Variants in CHLSN observed in about 807,000 individuals in gnomAD.
CHLSN encodes the protein cholesin, also known as protein cholesin.
At chr7:984,592 G>A in the CHLSN span, 33 of 1,554,718 alleles carry the variant, frequency 2.1e-5, no homozygotes, top group African/African-American at 2.3e-4. Flanking sequence ...TGTGGCCGGC[G>A]CTACGGGGCC....
At chr7:1,014,473 G>A in the CHLSN span, among the ~76,000 whole-genome samples, 1 of 152,218 alleles carries the variant, frequency 6.6e-6, no homozygotes, top group Non-Finnish European at 1.5e-5. Flanking sequence ...TGTGTGAGCC[G>A]TGCTCCCCAG....
At chr7:1,068,749 T>C in the CHLSN span, among the ~76,000 whole-genome samples, 1 of 152,300 alleles carries the variant, frequency 6.6e-6, no homozygotes, top group East Asian at 1.9e-4. Flanking sequence ...TTCTTATCAG[T>C]CTGCCCAGCT....
chr7:1,023,164 C>T, the CHLSN span: 2 of 360,234 alleles, frequency 5.6e-6, no homozygotes, highest in Non-Finnish European at 5.6e-6. This position sits in a 1 kb window ranked among gnomAD's most constrained non-coding sequence, Gnocchi z 5.0. Flanking sequence ...GTCTGATGCA[C>T]AGCCACAGGG....
chr7:1,056,025 C>G, the CHLSN span: 1 of 152,976 alleles, frequency 6.5e-6, no homozygotes, highest in African/African-American at 2.4e-5. Context: ...TCCTCTGGAC[C>G]CTGGCGCAGC....
At chr7:1,009,930 C>T in the CHLSN span, 515 of 1,521,304 alleles carry the variant, frequency 3.4e-4, 3 homozygotes, top group East Asian at 0.011. Context: ...GACAGAACCG[C>T]GTGGGGCAGG....
the CHLSN span, among the ~76,000 whole-genome samples, chr7:1,071,571 AG>A: frequency 6.6e-6 from 1 of 152,034 alleles, no homozygotes; most frequent in Admixed American, 6.6e-5. Flanking sequence ...GAAAGGGGAG[AG>A]GGAGGAGAAG....
chr7:1,021,405 C>A, the CHLSN span: 11 of 985,438 alleles, frequency 1.1e-5, no homozygotes, highest in Non-Finnish European at 1.3e-5. Flanking sequence ...GAACCAGAGT[C>A]GGAAGCTGAA....
the CHLSN span, among the ~76,000 whole-genome samples, chr7:1,135,849 A>G: frequency 8.9e-4 from 121 of 136,364 alleles, no homozygotes; most frequent in African/African-American, 3.4e-3. Context: ...TTACATAAAT[A>G]TGTATTTATA....
the CHLSN span, chr7:1,059,233 A>G: frequency 6.0e-6 from 1 of 167,072 alleles, no homozygotes; most frequent in Non-Finnish European, 1.5e-5. Context: ...GCACAAAACT[A>G]AAGAATATAA....
the CHLSN span, chr7:1,043,362 T>A: frequency 3.9e-5 from 6 of 152,398 alleles, no homozygotes; most frequent in African/African-American, 1.4e-4. Flanking sequence ...CAGAGGGCCT[T>A]CTTTTTAGTA....
the CHLSN span, among the ~76,000 whole-genome samples, chr7:1,006,739 C>T: frequency 2.6e-5 from 4 of 151,554 alleles, no homozygotes; most frequent in South Asian, 6.3e-4. Context: ...AGACAAAGAG[C>T]GCACGATGGC....
chr7:1,014,923 A>G, the CHLSN span, among the ~76,000 whole-genome samples: 2 of 152,330 alleles, frequency 1.3e-5, no homozygotes, highest in East Asian at 1.9e-4. Flanking sequence ...CCTGCCCTGC[A>G]GGGACGGTGC....
the CHLSN span, chr7:1,056,510 G>C: frequency 6.6e-6 from 1 of 152,428 alleles, no homozygotes; most frequent in Non-Finnish European, 1.5e-5. Flanking sequence ...CCTAGCCACA[G>C]GGCCGTGTCT....
the CHLSN span, among the ~76,000 whole-genome samples, chr7:1,136,455 C>T: frequency 1.0e-5 from 1 of 99,870 alleles, no homozygotes; most frequent in Non-Finnish European, 1.8e-5. Flanking sequence ...TATATATAAA[C>T]ATATATAAAC....
the CHLSN span, chr7:1,093,617 C>T: frequency 2.8e-5 from 13 of 471,072 alleles, no homozygotes; most frequent in Admixed American, 1.6e-4. Flanking sequence ...TGGGACCGTG[C>T]GAGCTGCCGT....
At chr7:984,348 G>C in the CHLSN span, 1 of 1,474,702 alleles carries the variant, frequency 6.8e-7, no homozygotes, top group Non-Finnish European at 8.9e-7. Flanking sequence ...GGCCCGGCCT[G>C]AGGGGACCTA....
the CHLSN span, among the ~76,000 whole-genome samples, chr7:1,052,275 C>T: frequency 2.6e-5 from 4 of 152,372 alleles, no homozygotes; most frequent in African/African-American, 7.2e-5. The surrounding 1 kb of genome is among the most constrained non-coding windows in gnomAD (Gnocchi z 4.2). Flanking sequence ...GCAAGGCTGA[C>T]CTGCAGCGTC....
the CHLSN span, among the ~76,000 whole-genome samples, chr7:1,101,829 G>A: frequency 1.3e-5 from 2 of 152,260 alleles, no homozygotes; most frequent in African/African-American, 4.8e-5. Context: ...AAGGAGGTGC[G>A]CGTCGCGGAC....
chr7:1,013,878 TTC>T, the CHLSN span, among the ~76,000 whole-genome samples: 1 of 152,262 alleles, frequency 6.6e-6, no homozygotes, highest in South Asian at 2.1e-4. Flanking sequence ...CAGCCACACA[TTC>T]TGTCTCCTGC....
Sources: gnomAD v4.1 joint callset for allele counts (sites outside exome capture counted in the v4.1 genomes callset) on GRCh38, gnomAD v4.1.1 for gene constraint, Gnocchi (gnomAD v3.1) non-coding constraint, MANE v1.5 for transcripts, NCBI Gene and HGNC (gene_info 2026-07-23, HGNC 2026-07-21) for gene names.